SYMPK: variants seen among roughly 807,000 people sequenced by gnomAD.
SYMPK encodes the protein symplekin scaffold protein, also known as symplekin.
A neutral mutation model predicts 136.4 loss-of-function variants in SYMPK; 49 were observed. The ratio of observed to expected loss-of-function variants is 0.36; its 90% CI spans 0.29 to 0.46. SYMPK has a LOEUF of 0.46. SYMPK is among the 20% of genes least tolerant of loss of function. SYMPK has a pLI of 1.00. For synonymous variants in SYMPK, 766 were observed against 713.0 expected (o/e 1.07, Z -1.19); for missense variants, 1,365 against 1,690.0 (o/e 0.81, Z 3.37).
chr19:45,823,689 G>A, intron 19 of SYMPK, 78 bp downstream of exon 19: 2 of 1,300,866 alleles, frequency 1.5e-6, no homozygotes, highest in Admixed American at 1.9e-5. Context: ...TGGGGACCCA[G>A]CAGCTCAGAT....
intron 21 of SYMPK, among the ~76,000 whole-genome samples, chr19:45,822,092 T>A (rs1409006971): frequency 6.6e-6 from 1 of 151,376 alleles, no homozygotes; most frequent in Non-Finnish European, 1.5e-5. Context: ...CTTGCTAGTT[T>A]TTCTAAGTTG....
chr19:45,841,572 C>G (rs188655044), intron 9 of SYMPK, among the ~76,000 whole-genome samples: 1 of 152,050 alleles, frequency 6.6e-6, no homozygotes, highest in Non-Finnish European at 1.5e-5. Context: ...GGATTACAGG[C>G]GTGAGCCACT....
rs77958784 is a variant in SYMPK, at chr19:45,854,471, C to T, written c.25G>A (p.Val9Ile). ...TGTGATGCCACGCTCCGACGGGTGA[C>T]GCTGTCTCCACTGCCGCTCGCCATG... MASGSGDS[V>I]TRRSVASQFF... Residue 9 changes from valine (V) to isoleucine (I), a missense_variant, in exon 2 of 27, where the codon GTC becomes ATC. Val to Ile is a conservative substitution (Grantham distance 29). Transcript: ENST00000245934. 638 of 1,614,010 alleles carry T rather than the reference C, an allele frequency of 4.0e-4. 1 individual carries two copies. The African/African-American group carries it at 7.1e-3, about 18-fold the overall frequency.
intron 14 of SYMPK, 37 bp downstream of exon 14, chr19:45,828,933 T>G (rs375287341): frequency 1.0e-4 from 163 of 1,597,784 alleles, no homozygotes; most frequent in Middle Eastern, 6.9e-4. Context: ...AGAGGAAGCC[T>G]CTCGGGGACA....
At chr19:45,835,562 C>A (rs114858390) in intron 10 of SYMPK, among the ~76,000 whole-genome samples, 1 of 151,956 alleles carries the variant, frequency 6.6e-6, no homozygotes, top group Non-Finnish European at 1.5e-5. Context: ...GTGTATTCCC[C>A]GTAGAGAAAC....
chr19:45,835,290 T>A (rs566381763), intron 10 of SYMPK, 62 bp from the exon 11 acceptor site: 2 of 1,490,828 alleles, frequency 1.3e-6, no homozygotes, highest in Admixed American at 4.2e-5. Context: ...ATTCTTTCCA[T>A]GCCCATGCCA....
At chr19:45,817,444 T>G (rs1970779659) in intron 23 of SYMPK, among the ~76,000 whole-genome samples, 1 of 102,472 alleles carries the variant, frequency 9.8e-6, no homozygotes, top group African/African-American at 4.2e-5. Context: ...TTTTTTTTTT[T>G]TGAGAGATGG....
chr19:45,841,433 C>T (rs905887438), intron 9 of SYMPK, among the ~76,000 whole-genome samples: 3 of 152,018 alleles, frequency 2.0e-5, no homozygotes, highest in Non-Finnish European at 2.9e-5. Flanking sequence ...TCTGGGATTA[C>T]AGGCATGCAC....
At position 45,827,632 on chromosome 19, in the gene SYMPK, A is replaced by C; in HGVS notation, c.2068-9T>G. On this transcript the variant is annotated splice_polypyrimidine_tract_variant and intron_variant, in intron 15 of 26. Transcript: ENST00000245934. Reference sequence around the variant, plus strand: ...CCCAGATAGGTGCGACTCTGCAGCAAAAGGAAAGGGACCCGAGCTCAGCCC... The same window carrying C: ...CCCAGATAGGTGCGACTCTGCAGCACAAGGAAAGGGACCCGAGCTCAGCCC... 2 of 1,612,424 alleles carry C rather than the reference A, an allele frequency of 1.2e-6. No individual in the cohort carries two copies. The highest frequency in any genetic ancestry group is 2.2e-5 in the South Asian group (2 of 91,038).
At chr19:45,831,167 G>T (rs981758451) in intron 12 of SYMPK, 18 of 345,770 alleles carry the variant, frequency 5.2e-5, no homozygotes, top group Non-Finnish European at 8.3e-5. Context: ...ACATAAAAAA[G>T]GATTTTTTTT....
In SYMPK at chr19:45,817,948, G is replaced by C; in HGVS notation, c.3081+11C>G. The stretch of plus-strand genomic sequence containing the variant: ...TGCAGCCTGGAGGCGGGGTGGCCGG[G>C]GATGGGTTACCTGCTTCATGATGAG... On this transcript the variant is annotated intron_variant, in intron 23 of 26. Coordinates refer to ENST00000245934, the MANE Select transcript of SYMPK (RefSeq NM_004819.3). 1 of 1,558,276 alleles carries C rather than the reference G, an allele frequency of 6.4e-7. No homozygotes were observed. The highest frequency in any genetic ancestry group is 1.7e-4 in the Middle Eastern group (1 of 5,954).
At position 45,829,028 on chromosome 19, in the gene SYMPK, C is replaced by T. The variant is rs1971109870; in HGVS notation, c.1927G>A (p.Glu643Lys). 6.8e-6 allele frequency: 11 copies of T among 1,614,088 alleles called. No individual in the cohort carries two copies. Among genetic ancestry groups the T allele is most frequent in the Non-Finnish European group, 7.6e-6 (9 of 1,180,048 alleles). Residue 643 changes from glutamate (E) to lysine (K), a missense_variant, in exon 14 of 27, where the codon GAG (glutamate) becomes AAG (lysine). By Grantham distance (56) the Glu-to-Lys change is moderately conservative. Coordinates refer to ENST00000245934, the MANE Select transcript of SYMPK (RefSeq NM_004819.3). ...AGASGSLDKY[E>K]DCLIRLLSGL... ...GACAACAGGCGGATGAGGCAGTCCTCATACTTGTCCAGGGAGCCCGAGGCA... is the reference window on the plus strand; with the variant it reads ...GACAACAGGCGGATGAGGCAGTCCTTATACTTGTCCAGGGAGCCCGAGGCA...
chr19:45,856,653 G>T (rs887359516), intron 1 of SYMPK, among the ~76,000 whole-genome samples: 2 of 152,078 alleles, frequency 1.3e-5, no homozygotes, highest in African/African-American at 4.8e-5. Flanking sequence ...TGCATAAACT[G>T]CTAACAACAA....
At position 45,848,867 on chromosome 19, in the gene SYMPK, G is replaced by A; in HGVS notation, c.309C>T (p.Asp103=). 1 of 1,614,016 alleles carries A rather than the reference G, an allele frequency of 6.2e-7. No individual in the cohort carries two copies. Among genetic ancestry groups the A allele is most frequent in the Non-Finnish European group, 8.5e-7 (1 of 1,180,016 alleles). The change falls in exon 6 of 27, where the codon GAC becomes GAT. Residue 103 remains aspartate (D), a synonymous_variant. Coordinates refer to ENST00000245934, the MANE Select transcript of SYMPK (RefSeq NM_004819.3). The part of the protein sequence containing the change: ...IGFIEEACKR[D]IELLLKLIAN... The stretch of plus-strand genomic sequence containing the variant: ...CAATGAGTTTCAGCAGCAACTCAAT[G>A]TCTCGCTTGCTGAGGGATGGAGAAA...
In SYMPK at chr19:45,829,187, C is replaced by T. The variant is rs1600502887; in HGVS notation, c.1768G>A (p.Ala590Thr). The change falls in exon 14 of 27, where the codon GCC (alanine) becomes ACC (threonine). Residue 590 changes from alanine (A) to threonine (T), a missense_variant. By Grantham distance (58) the Ala-to-Thr change is moderately conservative (BLOSUM62 0). Around this residue, in one of 11 missense-constraint regions of SYMPK, gnomAD observed 303 missense variants for 326.6 expected, o/e 0.93. Coordinates refer to ENST00000245934, the MANE Select transcript of SYMPK (RefSeq NM_004819.3). ...GAGTTGAACTGTGTCACCAGGCTGG[C>T]CAGGATCTTTATGCGGACCTGGTGG... is the stretch of plus-strand genomic sequence containing the variant. ...GAAQVRIKIL[A>T]SLVTQFNSGL... 3 of 1,613,752 alleles carry T rather than the reference C, an allele frequency of 1.9e-6. No homozygotes were observed. Among genetic ancestry groups the T allele is most frequent in the Middle Eastern group, 1.7e-4 (1 of 6,056 alleles).
intron 19 of SYMPK, 131 bp downstream of exon 19, chr19:45,823,636 G>T: frequency 1.0e-6 from 1 of 977,032 alleles, no homozygotes. Flanking sequence ...TGGAGAAACT[G>T]AGGCCCTAGG....
chr19:45,860,496 G>C (rs79839858), intron 1 of SYMPK, among the ~76,000 whole-genome samples: 19,870 of 114,658 alleles, frequency 0.17, 1,388 homozygotes, highest in South Asian at 0.23. Context: ...CACACACACA[G>C]AGAGAGAAAG....
At chr19:45,858,846 C>T (rs1469303607) in intron 1 of SYMPK, among the ~76,000 whole-genome samples, 1 of 152,168 alleles carries the variant, frequency 6.6e-6, no homozygotes, top group East Asian at 1.9e-4. Context: ...AACTTCCTCT[C>T]GATCCCCATC....
intron 26 of SYMPK, 30 bp downstream of exon 26, chr19:45,815,821 T>C (rs1181163477): frequency 6.2e-7 from 1 of 1,607,562 alleles, no homozygotes; most frequent in Admixed American, 1.7e-5. Context: ...ATCCGGCTTC[T>C]TCCTTCGCAG....
Sources: allele counts gnomAD v4.1 joint callset (sites outside exome capture counted in the v4.1 genomes callset), GRCh38; gene constraint gnomAD v4.1.1; regional missense constraint gnomAD v4.1.1; transcripts MANE v1.5; gene names NCBI Gene and HGNC (gene_info 2026-07-23, HGNC 2026-07-21).